UGGT2: variants seen among roughly 807,000 people sequenced by gnomAD.
The protein encoded by UGGT2 is UDP-glucose glycoprotein glucosyltransferase 2, also known as UDP-glucose:glycoprotein glucosyltransferase 2.
In UGGT2, 180 loss-of-function variants were observed where a neutral mutation model predicts 192.1. That is an observed-to-expected ratio of 0.94 (90% CI 0.83 to 1.06). The LOEUF is 1.06. Among genes scored for constraint, UGGT2 ranks in the 50% least tolerant of loss-of-function variants. The pLI is 0.00. For missense variants in UGGT2, 1,849 were observed against 1,795.7 expected (o/e 1.03, Z -0.54); for synonymous variants, 580 against 591.0 (o/e 0.98, Z 0.27).
intron 29 of UGGT2, among the ~76,000 whole-genome samples, chr13:95,876,727 G>GT (rs1184793243): frequency 9.2e-5 from 14 of 152,130 alleles, no homozygotes; most frequent in African/African-American, 3.1e-4. Context: ...CTGCAGTGCT[G>GT]TAACAGCTTA....
intron 15 of UGGT2, among the ~76,000 whole-genome samples, chr13:95,944,044 T>C (rs1329792095): frequency 2.6e-5 from 4 of 152,032 alleles, no homozygotes; most frequent in Admixed American, 6.6e-5. Context: ...TGGTGAATTA[T>C]ATTTAGAGAT....
At chr13:95,860,682 A>C in intron 32 of UGGT2, 106 bp downstream of exon 32, 1 of 575,204 alleles carries the variant, frequency 1.7e-6, no homozygotes, top group Non-Finnish European at 2.8e-6. Flanking sequence ...AAGGAAACAG[A>C]GGTGGGAGTT....
chr13:95,860,994 C>A (rs1890112349), intron 31 of UGGT2, 111 bp from the exon 32 acceptor site: 1 of 474,296 alleles, frequency 2.1e-6, no homozygotes, highest in South Asian at 6.8e-5. Flanking sequence ...AATAGTTAAG[C>A]TATAAACACT....
At chr13:95,849,465 C>T (rs1339820422) in intron 36 of UGGT2, among the ~76,000 whole-genome samples, 1 of 151,390 alleles carries the variant, frequency 6.6e-6, no homozygotes, top group East Asian at 1.9e-4. Context: ...ATGGCGTGAA[C>T]CCAGGAGGCG....
At position 95,999,199 on chromosome 13, in the gene UGGT2, T is replaced by G; in HGVS notation, c.757+12A>C. Reference sequence around the variant, plus strand: ...TTTTCATTCTACTCAAGTACTGAGATAGAGAACTTACTTTTAACTTGGGTA... The same window carrying G: ...TTTTCATTCTACTCAAGTACTGAGAGAGAGAACTTACTTTTAACTTGGGTA... On this transcript the variant is annotated intron_variant, in intron 6 of 38. Transcript: ENST00000376747. 1 of 1,609,086 alleles carries G rather than the reference T, an allele frequency of 6.2e-7. No individual in the cohort carries two copies.
intron 22 of UGGT2, among the ~76,000 whole-genome samples, chr13:95,899,768 C>T (rs1017568048): frequency 4.6e-5 from 7 of 152,156 alleles, no homozygotes; most frequent in African/African-American, 1.7e-4. Context: ...AAAAGCAATG[C>T]CATTTACAGA....
intron 1 of UGGT2, among the ~76,000 whole-genome samples, chr13:96,040,655 A>T (rs961677475): frequency 6.6e-6 from 1 of 152,202 alleles, no homozygotes; most frequent in African/African-American, 2.4e-5. Flanking sequence ...TGCAAATACT[A>T]TAAGTAAAAA....
chr13:96,004,761 T>C, intron 5 of UGGT2, among the ~76,000 whole-genome samples: 1 of 150,348 alleles, frequency 6.7e-6, no homozygotes, highest in Non-Finnish European at 1.5e-5. Context: ...ATTTATTGTA[T>C]GTTTCAAAAC....
intron 7 of UGGT2, among the ~76,000 whole-genome samples, chr13:95,992,925 C>T (rs1045789666): frequency 2.0e-5 from 3 of 152,176 alleles, no homozygotes; most frequent in African/African-American, 7.2e-5. Context: ...TGGGTATTCA[C>T]CCAAAGAAAA....
chr13:95,920,498 C>T (rs2048811393), intron 20 of UGGT2, among the ~76,000 whole-genome samples: 1 of 151,346 alleles, frequency 6.6e-6, no homozygotes, highest in Non-Finnish European at 1.5e-5. Flanking sequence ...CTTAAATTTA[C>T]AAGAAAAAAA....
intron 10 of UGGT2, among the ~76,000 whole-genome samples, chr13:95,982,250 A>G (rs2051150055): frequency 6.6e-6 from 1 of 152,180 alleles, no homozygotes; most frequent in Non-Finnish European, 1.5e-5. Flanking sequence ...AGCCGCCCCC[A>G]AATCATTTTA....
At chr13:96,002,708 C>A (rs1484515493) in intron 5 of UGGT2, among the ~76,000 whole-genome samples, 1 of 152,072 alleles carries the variant, frequency 6.6e-6, no homozygotes, top group Non-Finnish European at 1.5e-5. Flanking sequence ...CAAAATTATA[C>A]AATGAACAAT....
rs1056127761 is a variant in UGGT2 at position 96,029,914 on chromosome 13, G to C, written c.241+1975C>G. On this transcript the variant is annotated intron_variant, in intron 2 of 38. Transcript: ENST00000376747. The stretch of plus-strand genomic sequence containing the variant: ...ATTGAGGATTTTAGGTGAGAGACAC[G>C]AAATTTGGTGTTAGGTTTTTTTAAA... Among the ~76,000 whole-genome samples the C allele has an allele frequency of 2.6e-5, 4 of 152,154 alleles. No homozygotes were observed. The South Asian group carries it at 8.3e-4, about 31-fold the overall frequency.
In UGGT2 at chr13:95,904,745, G is replaced by A. The variant is rs377638596; in HGVS notation, c.2296-1685C>T. Among the ~76,000 whole-genome samples the A allele has an allele frequency of 2.0e-4, 31 of 152,072 alleles. No individual in the cohort carries two copies. The East Asian group carries it at 3.3e-3, about 16-fold the overall frequency. On this transcript the variant is annotated intron_variant, in intron 20 of 38. Coordinates refer to ENST00000376747, the MANE Select transcript of UGGT2 (RefSeq NM_020121.4). ...AGTCTTTGCTACTGTGAACAATGCC[G>A]CAATAAACATATGTGTGCATGTGTC...
At chr13:95,915,033 C>T (rs2048637922) in intron 20 of UGGT2, among the ~76,000 whole-genome samples, 1 of 152,166 alleles carries the variant, frequency 6.6e-6, no homozygotes, top group African/African-American at 2.4e-5. Context: ...CTGATATTAT[C>T]TGGCACCTCA....
Position 95,877,864 on chromosome 13 carries a change from G to A in UGGT2, c.3229-8C>T, listed in dbSNP as rs756319196. 6 of 1,606,252 alleles carry A rather than the reference G, an allele frequency of 3.7e-6. No individual in the cohort carries two copies. The South Asian group carries it at 5.6e-5, about 15-fold the overall frequency. On this transcript the variant is annotated splice_region_variant and splice_polypyrimidine_tract_variant and intron_variant, in intron 27 of 38. Coordinates refer to ENST00000376747, the MANE Select transcript of UGGT2 (RefSeq NM_020121.4). ...TGTAACAGTTTTCTCAGTCTGTGGA[G>A]GAAGTATGTCATTGTTTTTGGTGTT...
At chr13:95,816,733 G>C (rs1884937364) in intron 38 of UGGT2, among the ~76,000 whole-genome samples, 1 of 152,192 alleles carries the variant, frequency 6.6e-6, no homozygotes, top group African/African-American at 2.4e-5. Context: ...GGAAAGGAAG[G>C]TTCTGCCACA....
intron 12 of UGGT2, among the ~76,000 whole-genome samples, chr13:95,962,364 A>C (rs911919836): frequency 7.9e-5 from 12 of 152,150 alleles, no homozygotes; most frequent in African/African-American, 2.7e-4. Context: ...AGAAATGAAG[A>C]AGCACACTGA....
At chr13:96,019,374 G>A (rs569435399) in intron 4 of UGGT2, among the ~76,000 whole-genome samples, 1 of 152,108 alleles carries the variant, frequency 6.6e-6, no homozygotes, top group African/African-American at 2.4e-5. Context: ...CAGTGGGTAT[G>A]GATCACATCT....
Sources: allele counts gnomAD v4.1 joint callset (sites outside exome capture counted in the v4.1 genomes callset), GRCh38; gene constraint gnomAD v4.1.1; transcripts MANE v1.5; gene names NCBI Gene and HGNC (gene_info 2026-07-23, HGNC 2026-07-21).